Variants in USP37 observed in about 807,000 individuals in gnomAD.
The protein encoded by USP37 is ubiquitin specific peptidase 37, also known as ubiquitin carboxyl-terminal hydrolase 37.
A neutral mutation model predicts 124.0 loss-of-function variants in USP37; 27 were observed. That is an observed-to-expected ratio of 0.22 (90% CI 0.16 to 0.30). The LOEUF (loss-of-function observed/expected upper bound fraction) is 0.30, where lower values mean the gene tolerates loss of function less well. Ranked by LOEUF, USP37 falls within the 10% of genes least tolerant of loss-of-function variation. The pLI is 1.00. For synonymous variants in USP37, 365 were observed against 388.0 expected, an observed-to-expected ratio of 0.94 and a Z score of 0.70; for missense variants, 889 against 1,140.4, an observed-to-expected ratio of 0.78 and a Z score of 3.17.
Position 218,488,226 on chromosome 2 carries a change from A to C in USP37, c.1590+78T>G. 3.0e-6 allele frequency: 3 copies of C among 992,536 alleles called. No homozygotes were observed. The South Asian group carries it at 5.7e-5, about 19-fold the overall frequency. 61.5% of individuals were successfully genotyped at this position (992,536 alleles called of 1,614,324 possible). On this transcript the variant is annotated intron_variant, in intron 15 of 25. Transcript: ENST00000258399. ...AAGAAAAGAAACTTTGCCTTGAAGA[A>C]ACCAACTTCAAATATTCAAATACAA...
intron 10 of USP37, among the ~76,000 whole-genome samples, chr2:218,524,175 G>T (rs1690820887): frequency 6.6e-6 from 1 of 152,090 alleles, no homozygotes; most frequent in Non-Finnish European, 1.5e-5. Context: ...TTTTATTTTG[G>T]ATTTTTCTGT....
At chr2:218,462,446 A>T (rs572988788) in intron 22 of USP37, among the ~76,000 whole-genome samples, 1 of 152,302 alleles carries the variant, frequency 6.6e-6, no homozygotes, top group Non-Finnish European at 1.5e-5. Flanking sequence ...ACAGATTCCT[A>T]CATCTACTTC....
chr2:218,527,980 A>G (rs1337457677), intron 10 of USP37, among the ~76,000 whole-genome samples: 1 of 152,172 alleles, frequency 6.6e-6, no homozygotes, highest in Non-Finnish European at 1.5e-5. Flanking sequence ...AGGCAGGCAC[A>G]TCATGAGGTC....
chr2:218,530,089 T>C lies in USP37; in HGVS notation c.779-49A>G. The C allele has an allele frequency of 2.1e-6, 3 of 1,414,684 alleles. No individual in the cohort carries two copies. In the African/African-American group the frequency reaches 4.3e-5, roughly 20 times the overall value. 87.6% of individuals were successfully genotyped at this position (1,414,684 alleles called of 1,614,324 possible). A position where few individuals can be genotyped will look rare whatever the true frequency, so the allele number is the denominator to read the frequency against. On this transcript the variant is annotated intron_variant, in intron 9 of 25. Transcript: ENST00000258399. ...AAAACTTAATTCCTAAATCAACCAT[T>C]CAAGTTCATTTAATAATAAAAGTAT...
chr2:218,559,786 G>A lies in USP37; in HGVS notation c.-25+1034C>T, dbSNP rs577394904. Among the ~76,000 whole-genome samples the A allele has an allele frequency of 7.1e-4, 108 of 152,248 alleles. 1 individual carries two copies. Among genetic ancestry groups the A allele is most frequent in the Non-Finnish European group, 1.2e-3 (83 of 68,022 alleles). ...GAAGGATGAGGTGGGCAGACTGCTTGAGCAACACGGCAAAAACCTCATCTC... is the reference window on the plus strand; with the variant it reads ...GAAGGATGAGGTGGGCAGACTGCTTAAGCAACACGGCAAAAACCTCATCTC... On this transcript the variant is annotated intron_variant, in intron 3 of 25. Coordinates refer to ENST00000258399, the MANE Select transcript of USP37 (RefSeq NM_020935.3).
chr2:218,483,593 GAAAA>G (rs773885068), intron 16 of USP37, among the ~76,000 whole-genome samples: 1 of 114,028 alleles, frequency 8.8e-6, no homozygotes. Flanking sequence ...GATCTACCAG[GAAAA>G]AAAAAAAAAA....
At chr2:218,482,634 A>G (rs1044658059) in intron 16 of USP37, among the ~76,000 whole-genome samples, 3 of 152,242 alleles carry the variant, frequency 2.0e-5, no homozygotes, top group African/African-American at 7.2e-5. Context: ...AAAATGTTAC[A>G]TAGCTCTTAT....
At chr2:218,516,194 C>G (rs937054928) in intron 10 of USP37, among the ~76,000 whole-genome samples, 1 of 152,092 alleles carries the variant, frequency 6.6e-6, no homozygotes, top group African/African-American at 2.4e-5. Context: ...TGGGTATATA[C>G]CCAAAGGATT....
intron 8 of USP37, among the ~76,000 whole-genome samples, chr2:218,537,331 C>T (rs1691710854): frequency 1.3e-5 from 2 of 152,204 alleles, no homozygotes; most frequent in Non-Finnish European, 2.9e-5. Context: ...CACTCACTCT[C>T]TTGGAACCCT....
At chr2:218,473,396 T>A (rs979235496) in intron 20 of USP37, 1 of 152,244 alleles carries the variant, frequency 6.6e-6, no homozygotes, top group African/African-American at 2.4e-5. Context: ...AATGCCTGTG[T>A]ATAAAAACCA....
intron 23 of USP37, among the ~76,000 whole-genome samples, chr2:218,459,551 T>G (rs1689890072): frequency 6.6e-6 from 1 of 152,228 alleles, no homozygotes; most frequent in Non-Finnish European, 1.5e-5. Flanking sequence ...AGTTCTTACC[T>G]AACATGCATG....
intron 21 of USP37, 38 bp downstream of exon 21, chr2:218,465,972 G>GT: frequency 6.3e-7 from 1 of 1,586,196 alleles, no homozygotes; most frequent in Non-Finnish European, 8.5e-7. Context: ...CTCAGGAAAG[G>GT]TAAGTACAGA....
intron 11 of USP37, among the ~76,000 whole-genome samples, 170 bp downstream of exon 11, chr2:218,509,809 C>A (rs995795371): frequency 2.0e-5 from 3 of 151,976 alleles, no homozygotes; most frequent in Non-Finnish European, 4.4e-5. Context: ...GTTTGGTGAA[C>A]AGAAAATGAA....
chr2:218,469,987 AT>A (rs1238774379), intron 20 of USP37, among the ~76,000 whole-genome samples: 3 of 151,462 alleles, frequency 2.0e-5, no homozygotes, highest in Non-Finnish European at 4.4e-5. Flanking sequence ...TGCCTGGCTA[AT>A]TTTTTGTATT....
rs76468986 is a variant in USP37 at position 218,457,592 on chromosome 2, T to C, written c.2644-431A>G. 1.7e-3 allele frequency among the ~76,000 whole-genome samples: 254 copies of C among 152,294 alleles called. 1 individual carries two copies. Among genetic ancestry groups the C allele is most frequent in the African/African-American group, 5.6e-3 (233 of 41,572 alleles). On this transcript the variant is annotated intron_variant, in intron 23 of 25. Transcript: ENST00000258399. ...AAAATGTTACGTTAAGAGTTAGGCA[T>C]TGGACAATAGAACAAAAATGTTAAA... is the stretch of plus-strand genomic sequence containing the variant.
chr2:218,547,101 TAA>T lies in USP37; in HGVS notation c.430-12_430-11del. 7 of 1,586,592 alleles carry T rather than the reference TAA, an allele frequency of 4.4e-6. No homozygotes were observed. Among genetic ancestry groups the T allele is most frequent in the Non-Finnish European group, 5.1e-6 (6 of 1,172,648 alleles). ...CTCTTTTTGCAGAAGCCTGTAAAAA[TAA>T]AGTTTGAGATAGTTAAATCTTCAAA... On this transcript the variant is annotated splice_polypyrimidine_tract_variant and intron_variant, in intron 6 of 25. Coordinates refer to ENST00000258399, the MANE Select transcript of USP37 (RefSeq NM_020935.3).
At chr2:218,540,841 T>C (rs976051841) in intron 8 of USP37, among the ~76,000 whole-genome samples, 26 of 152,146 alleles carry the variant, frequency 1.7e-4, no homozygotes, top group African/African-American at 6.3e-4. Context: ...TCTCATTCAC[T>C]AACAAGAAAA....
intron 1 of USP37, among the ~76,000 whole-genome samples, chr2:218,565,720 A>G (rs1693559569): frequency 6.6e-6 from 1 of 152,208 alleles, no homozygotes; most frequent in African/African-American, 2.4e-5. Context: ...CTAATAGGAG[A>G]CAGACTTTAA....
intron 10 of USP37, chr2:218,528,123 AC>A (rs1691082176): frequency 6.6e-6 from 1 of 152,124 alleles, no homozygotes; most frequent in Non-Finnish European, 1.5e-5. Flanking sequence ...AATCACTCGA[AC>A]CCAGAAGGCA....
Sources: gnomAD v4.1 joint callset for allele counts (sites outside exome capture counted in the v4.1 genomes callset) on GRCh38, gnomAD v4.1.1 for gene constraint, MANE v1.5 for transcripts, NCBI Gene and HGNC (gene_info 2026-07-23, HGNC 2026-07-21) for gene names.